PRMT8: variants seen among roughly 807,000 people sequenced by gnomAD.
PRMT8 encodes protein arginine N-methyltransferase 8.
Under a neutral mutation model 47.1 loss-of-function variants are expected in PRMT8, and 7 were observed. That is an observed-to-expected ratio of 0.15 (90% CI 0.08 to 0.28). The LOEUF (loss-of-function observed/expected upper bound fraction) is 0.28, where lower values mean the gene tolerates loss of function less well. PRMT8 is among the 10% of genes least tolerant of loss of function. The pLI is 1.00. For synonymous variants in PRMT8, 188 were observed against 186.5 expected, an observed-to-expected ratio of 1.01 and a Z score of -0.07; for missense variants, 237 against 505.4, an observed-to-expected ratio of 0.47 and a Z score of 5.09.
intron 1 of PRMT8, among the ~76,000 whole-genome samples, chr12:3,389,954 C>T (rs1005343887): frequency 8.5e-5 from 13 of 152,366 alleles, no homozygotes; most frequent in African/African-American, 1.4e-4. Flanking sequence ...TGGCTGCATC[C>T]GCTGCAGGCC....
intron 1 of PRMT8, among the ~76,000 whole-genome samples, chr12:3,530,936 C>T (rs74056103): frequency 1.6e-4 from 24 of 152,176 alleles, no homozygotes; most frequent in African/African-American, 5.5e-4. Context: ...AAGAGGAAAC[C>T]GAGGATAGGG....
intron 1 of PRMT8, among the ~76,000 whole-genome samples, chr12:3,388,588 A>T (rs1591535581): frequency 6.6e-6 from 1 of 152,162 alleles, no homozygotes; most frequent in South Asian, 2.1e-4. Context: ...TCTCACTATA[A>T]CCCTGTGAGG....
At chr12:3,494,847 T>A (rs1472911888) in intron 1 of PRMT8, among the ~76,000 whole-genome samples, 1 of 152,170 alleles carries the variant, frequency 6.6e-6, no homozygotes, top group Non-Finnish European at 1.5e-5. Context: ...CCCTTCTCTG[T>A]TAACTTGAGC....
intron 1 of PRMT8, among the ~76,000 whole-genome samples, chr12:3,403,696 T>C (rs1864342775): frequency 6.6e-6 from 1 of 151,822 alleles, no homozygotes; most frequent in Admixed American, 6.6e-5. Flanking sequence ...CTAGCCAATA[T>C]GGTGAAACCC....
At chr12:3,507,027 G>A (rs1422094949) in intron 1 of PRMT8, among the ~76,000 whole-genome samples, 1 of 152,126 alleles carries the variant, frequency 6.6e-6, no homozygotes, top group East Asian at 1.9e-4. Flanking sequence ...ATAAGGGGAA[G>A]GGCTGTTAAC....
chr12:3,469,261 C>G (rs1254879246), intron 1 of PRMT8: 1 of 433,116 alleles, frequency 2.3e-6, no homozygotes, highest in South Asian at 1.9e-5. Flanking sequence ...TAGACCTTCA[C>G]GTGCTGCCTC....
At chr12:3,479,024 C>T (rs1865246713) in intron 1 of PRMT8, among the ~76,000 whole-genome samples, 1 of 152,364 alleles carries the variant, frequency 6.6e-6, no homozygotes, top group South Asian at 2.1e-4. Flanking sequence ...AAGGGGCGGC[C>T]TCACGGGTGA....
At chr12:3,401,770 C>A (rs1447754332) in intron 1 of PRMT8, among the ~76,000 whole-genome samples, 1 of 152,038 alleles carries the variant, frequency 6.6e-6, no homozygotes. Context: ...ATACAGCTAA[C>A]AAAGGAAGTA....
intron 1 of PRMT8, among the ~76,000 whole-genome samples, chr12:3,473,030 C>G (rs1591560733): frequency 6.6e-6 from 1 of 152,166 alleles, no homozygotes; most frequent in Non-Finnish European, 1.5e-5. Context: ...CACTGGCATT[C>G]AAACATGCCC....
At chr12:3,382,470 A>G (rs1464173736) in intron 1 of PRMT8, among the ~76,000 whole-genome samples, 1 of 152,132 alleles carries the variant, frequency 6.6e-6, no homozygotes, top group Non-Finnish European at 1.5e-5. Context: ...GCATTTTCCT[A>G]ATCGCTAGTG....
In PRMT8 at chr12:3,436,468, GCTTT is replaced by G. The variant is rs573013819; in HGVS notation, c.48+55039_48+55042del. ...TTTATCCCTCAGAACCCAGGTAGCT[GCTTT>G]CTTTCTTTCTTTTTTCTTTTTTTTT... On this transcript the variant is annotated intron_variant, in intron 1 of 9. Coordinates refer to the PRMT8 transcript ENST00000452611. This position sits in a 1 kb window ranked among gnomAD's most constrained non-coding sequence, Gnocchi z 4.2. 3.7e-4 allele frequency among the ~76,000 whole-genome samples: 56 copies of G among 152,220 alleles called. No homozygotes were observed. The highest frequency in any genetic ancestry group is 1.1e-3 in the African/African-American group (47 of 41,546).
At chr12:3,405,227 G>A (rs540279385) in intron 1 of PRMT8, among the ~76,000 whole-genome samples, 1 of 152,226 alleles carries the variant, frequency 6.6e-6, no homozygotes, top group African/African-American at 2.4e-5. Context: ...AAAACCATCA[G>A]ATCTTGTGAA....
intron 1 of PRMT8, among the ~76,000 whole-genome samples, chr12:3,466,949 C>T (rs79360462): frequency 0.072 from 11,027 of 152,140 alleles, 495 homozygotes; most frequent in Non-Finnish European, 0.1. Context: ...GAAATTGTGT[C>T]AGAGATGACT....
chr12:3,420,415 C>T (rs1217277994), intron 1 of PRMT8, among the ~76,000 whole-genome samples: 1 of 152,176 alleles, frequency 6.6e-6, no homozygotes, highest in Non-Finnish European at 1.5e-5. Context: ...GGTTGCACAG[C>T]CTATGAACCC....
At chr12:3,592,168 A>ATC in intron 8 of PRMT8, 63 bp from the exon 9 acceptor site, 1 of 1,505,364 alleles carries the variant, frequency 6.6e-7, no homozygotes, top group East Asian at 2.5e-5. Context: ...TCCCAGCCTC[A>ATC]TCCCTTTGGA....
Position 3,453,354 on chromosome 12 carries a change from C to T in PRMT8, c.48+71912C>T, listed in dbSNP as rs1293794915. ...AGTGTTGAGTCTGGCAGCAGATCCC[C>T]AAGGGGTAGAGTTTGCACTGGTGGC... On this transcript the variant is annotated intron_variant, in intron 1 of 9. Coordinates refer to the PRMT8 transcript ENST00000452611. The surrounding 1 kb of genome is among the most constrained non-coding windows in gnomAD (Gnocchi z 4.9). Among the ~76,000 whole-genome samples, 1 of 152,168 alleles carries T rather than the reference C, an allele frequency of 6.6e-6. No individual in the cohort carries two copies. The highest frequency in any genetic ancestry group is 1.9e-4 in the East Asian group (1 of 5,184).
chr12:3,585,345 CTTTTTTTTTTT>C lies in PRMT8; in HGVS notation c.979+2154_979+2164del, dbSNP rs71061123. Among the ~76,000 whole-genome samples, 308 of 45,794 alleles carry C rather than the reference CTTTTTTTTTTT, an allele frequency of 6.7e-3. 2 individuals carry two copies. The highest frequency in any genetic ancestry group is 0.022 in the African/African-American group (246 of 11,022). The allele number at this position is 45,794 out of a possible 152,430, so 30.0% of individuals were successfully genotyped here. ...TCCAGAAGCCATGAAGAAAATGATG[CTTTTTTTTTTT>C]TTTTTTTTTTTTTTTTCTCAGAGAC... On this transcript the variant is annotated intron_variant, in intron 8 of 9. Transcript: ENST00000382622.
intron 1 of PRMT8, among the ~76,000 whole-genome samples, chr12:3,381,830 C>G (rs772847053): frequency 6.6e-6 from 1 of 152,142 alleles, no homozygotes; most frequent in Non-Finnish European, 1.5e-5. Flanking sequence ...TCAGAGGATC[C>G]CTCTGTTGCC....
chr12:3,480,903 T>C (rs1227276218), intron 1 of PRMT8, among the ~76,000 whole-genome samples: 3 of 152,188 alleles, frequency 2.0e-5, no homozygotes, highest in Non-Finnish European at 2.9e-5. Context: ...GAAGTCCCTC[T>C]GGGAAAGCTA....
Sources: allele counts gnomAD v4.1 joint callset (sites outside exome capture counted in the v4.1 genomes callset), GRCh38; gene constraint gnomAD v4.1.1; non-coding constraint Gnocchi (gnomAD v3.1); transcripts MANE v1.5; gene names NCBI Gene and HGNC (gene_info 2026-07-23, HGNC 2026-07-21).